ADCY5: variants seen among roughly 807,000 people sequenced by gnomAD.
ADCY5 encodes the protein adenylate cyclase type 5.
Under a neutral mutation model 119.7 loss-of-function variants are expected in ADCY5, and 30 were observed. The ratio of observed to expected loss-of-function variants is 0.25; its 90% confidence interval spans 0.19 to 0.34. The LOEUF (loss-of-function observed/expected upper bound fraction) is 0.34. Among genes scored for constraint, ADCY5 ranks in the 10% least tolerant of loss-of-function variants. ADCY5 has a pLI of 1.00. For missense variants in ADCY5, 1,324 were observed against 1,775.2 expected, an observed-to-expected ratio of 0.75 and a Z score of 4.57; for synonymous variants, 753 against 762.2, an observed-to-expected ratio of 0.99 and a Z score of 0.20.
chr3:123,284,398 G>A lies in ADCY5; in HGVS notation c.*210C>T. On this transcript the variant is annotated 3_prime_UTR_variant, in exon 21 of 21. Transcript: ENST00000462833. ...CAGAGGGAAACATCTTTGGTCAGCT[G>A]GGTGCTCGCAGGACGCTGGCACCCC... The A allele has an allele frequency of 1.5e-6, 1 of 658,502 alleles. No homozygotes were observed. Among genetic ancestry groups the A allele is most frequent in the South Asian group, 2.0e-5 (1 of 50,944 alleles). 40.8% of individuals were successfully genotyped at this position (658,502 alleles called of 1,614,324 possible).
intron 6 of ADCY5, 99 bp downstream of exon 6, chr3:123,328,545 C>G (rs1941604562): frequency 2.1e-6 from 3 of 1,439,998 alleles, no homozygotes; most frequent in African/African-American, 2.8e-5. Flanking sequence ...TCCTGCCCAC[C>G]CCACCCTGCC....
chr3:123,297,289 T>C, intron 16 of ADCY5, 64 bp downstream of exon 16: 1 of 1,586,670 alleles, frequency 6.3e-7, no homozygotes, highest in Non-Finnish European at 8.6e-7. Context: ...GGGCACCAGC[T>C]GCCCTCCCTG....
intron 14 of ADCY5, among the ~76,000 whole-genome samples, chr3:123,302,843 C>T (rs1489260682): frequency 1.3e-5 from 2 of 152,210 alleles, no homozygotes; most frequent in Non-Finnish European, 2.9e-5. Flanking sequence ...AGCTACACCG[C>T]TTTAACAGTC....
Position 123,448,396 on chromosome 3 carries a change from G to C in ADCY5, c.150C>G (p.Ala50=), listed in dbSNP as rs1387460227. 2.4e-5 allele frequency: 35 copies of C among 1,450,236 alleles called. No individual in the cohort carries two copies. The highest frequency in any genetic ancestry group is 3.1e-5 in the Non-Finnish European group (34 of 1,108,538). 89.8% of individuals were successfully genotyped at this position (1,450,236 alleles called of 1,614,324 possible). A position where few individuals can be genotyped will look rare whatever the true frequency, so the allele number is the denominator to read the frequency against. The part of the protein sequence containing the change: ...NGYPHAPGGS[A]RGSTKKPGGA... ...CCCCGGGTTTCTTGGTGGAGCCGCG[G>C]GCAGAGCCCCCGGGGGCATGGGGGT... The change falls in exon 1 of 21, where the codon GCC becomes GCG. Residue 50 remains alanine (A), a synonymous_variant. Coordinates refer to ENST00000462833, the MANE Select transcript of ADCY5 (RefSeq NM_183357.3).
chr3:123,365,420 A>G (rs1943397394), intron 1 of ADCY5, among the ~76,000 whole-genome samples: 1 of 152,254 alleles, frequency 6.6e-6, no homozygotes, highest in Non-Finnish European at 1.5e-5. Context: ...AGAGACTAAA[A>G]GAGGGCTGTG....
chr3:123,388,101 G>C, intron 1 of ADCY5, among the ~76,000 whole-genome samples: 1 of 152,084 alleles, frequency 6.6e-6, no homozygotes, highest in Non-Finnish European at 1.5e-5. Flanking sequence ...CCAGTATTTT[G>C]GGCCAGAATG....
intron 15 of ADCY5, among the ~76,000 whole-genome samples, chr3:123,298,339 A>G (rs1246668015): frequency 2.6e-5 from 4 of 152,178 alleles, no homozygotes; most frequent in Non-Finnish European, 5.9e-5. Flanking sequence ...CCCAATCCAG[A>G]AATAACCTTC....
intron 3 of ADCY5, among the ~76,000 whole-genome samples, chr3:123,334,967 T>A (rs890765119): frequency 1.3e-5 from 2 of 152,144 alleles, no homozygotes; most frequent in African/African-American, 4.8e-5. Context: ...TGCTTTGACA[T>A]CCAAGGCTCC....
intron 1 of ADCY5, among the ~76,000 whole-genome samples, chr3:123,435,662 G>T (rs1471686153): frequency 6.6e-6 from 1 of 151,936 alleles, no homozygotes; most frequent in Non-Finnish European, 1.5e-5. Flanking sequence ...GGAACCTGAA[G>T]ACAGGTTAGA....
intron 10 of ADCY5, among the ~76,000 whole-genome samples, chr3:123,319,465 G>C (rs1054850958): frequency 6.6e-6 from 1 of 152,120 alleles, no homozygotes; most frequent in African/African-American, 2.4e-5. Flanking sequence ...ATGAAACGAA[G>C]GCACAGAGAA....
At chr3:123,442,746 CTCTAGGGA>C (rs1945744086) in intron 1 of ADCY5, among the ~76,000 whole-genome samples, 1 of 152,240 alleles carries the variant, frequency 6.6e-6, no homozygotes, top group South Asian at 2.1e-4. Flanking sequence ...GATCAAGGCA[CTCTAGGGA>C]TCTAGAAGAC....
At chr3:123,285,123 C>A (rs905721419) in intron 20 of ADCY5, among the ~76,000 whole-genome samples, 1 of 152,148 alleles carries the variant, frequency 6.6e-6, no homozygotes, top group East Asian at 1.9e-4. Flanking sequence ...CCAAGTGTGT[C>A]CCCGGTGCAT....
At chr3:123,408,735 G>C (rs1414895829) in intron 1 of ADCY5, among the ~76,000 whole-genome samples, 1 of 151,806 alleles carries the variant, frequency 6.6e-6, no homozygotes, top group Non-Finnish European at 1.5e-5. Flanking sequence ...TCAGCACTTT[G>C]GGAGGCCGAG....
intron 1 of ADCY5, among the ~76,000 whole-genome samples, chr3:123,433,016 A>C (rs1945550687): frequency 6.6e-6 from 1 of 152,236 alleles, no homozygotes; most frequent in Non-Finnish European, 1.5e-5. Flanking sequence ...GGGATCTAAA[A>C]ATCAATAACA....
chr3:123,314,151 A>T (rs1940756076), intron 12 of ADCY5, 84 bp downstream of exon 12: 1 of 1,120,132 alleles, frequency 8.9e-7, no homozygotes, highest in South Asian at 1.4e-5. Flanking sequence ...GGGCCCCTTC[A>T]CATTTTGGGC....
At position 123,448,578 on chromosome 3, in the gene ADCY5, C is replaced by T. The variant is rs1426348460; in HGVS notation, c.-33G>A. 1.6e-6 allele frequency: 2 copies of T among 1,261,488 alleles called. No individual in the cohort carries two copies. Among genetic ancestry groups the T allele is most frequent in the Non-Finnish European group, 9.9e-7 (1 of 1,005,308 alleles). The allele number at this position is 1,261,488 out of a possible 1,614,324, so 78.1% of individuals were successfully genotyped here. On this transcript the variant is annotated 5_prime_UTR_variant, in exon 1 of 21. Transcript: ENST00000462833. ...TCGGCCTCGTCGTCTCCTTCCTCCT[C>T]CCCCGGAAGCCGGGCCGGGGGTCTC...
intron 1 of ADCY5, among the ~76,000 whole-genome samples, chr3:123,400,283 G>C (rs1944715526): frequency 6.6e-6 from 1 of 152,152 alleles, no homozygotes; most frequent in Non-Finnish European, 1.5e-5. Context: ...CAAGCAGCCG[G>C]ATGCTTCAAG....
At chr3:123,287,001 C>T in intron 19 of ADCY5, 192 bp from the exon 20 acceptor site, 2 of 717,538 alleles carry the variant, frequency 2.8e-6, no homozygotes, top group South Asian at 4.7e-5. Context: ...ATGCAAGACA[C>T]AAGGAGCCTG....
chr3:123,430,151 T>C (rs192024848), intron 1 of ADCY5, among the ~76,000 whole-genome samples: 3 of 152,330 alleles, frequency 2.0e-5, no homozygotes, highest in South Asian at 2.1e-4. Context: ...AGGATGAGCA[T>C]TCCATATCTT....
Sources: gnomAD v4.1 joint callset for allele counts (sites outside exome capture counted in the v4.1 genomes callset) on GRCh38, gnomAD v4.1.1 for gene constraint, MANE v1.5 for transcripts, NCBI Gene and HGNC (gene_info 2026-07-23, HGNC 2026-07-21) for gene names.